Variants in PRKDC observed in about 807,000 individuals in gnomAD.
PRKDC encodes the protein DNA-dependent protein kinase catalytic subunit.
In PRKDC, 82 loss-of-function variants were observed where a neutral mutation model predicts 486.9. The ratio of observed to expected loss-of-function variants is 0.17; its 90% CI spans 0.14 to 0.20. The LOEUF (loss-of-function observed/expected upper bound fraction) is 0.20. Among genes scored for constraint, PRKDC ranks in the 10% least tolerant of loss-of-function variants. PRKDC has a pLI of 1.00. For missense variants in PRKDC, 4,504 were observed against 5,038.2 expected, an observed-to-expected ratio of 0.89 and a Z score of 3.21; for synonymous variants, 1,895 against 1,837.0, an observed-to-expected ratio of 1.03 and a Z score of -0.81.
At chr8:47,953,048 G>A (rs1022239938) in intron 7 of PRKDC, among the ~76,000 whole-genome samples, 1 of 152,168 alleles carries the variant, frequency 6.6e-6, no homozygotes, top group African/African-American at 2.4e-5. Context: ...GGCTGAGGCA[G>A]GAGAATCACT....
intron 85 of PRKDC, among the ~76,000 whole-genome samples, chr8:47,776,271 G>A (rs866597124): frequency 6.6e-6 from 1 of 152,094 alleles, no homozygotes; most frequent in South Asian, 2.1e-4. Flanking sequence ...AATGGTCTTG[G>A]CACCCTTGTC....
chr8:47,915,136 C>T (rs745846798), intron 23 of PRKDC, among the ~76,000 whole-genome samples, 192 bp downstream of exon 23: 17 of 152,142 alleles, frequency 1.1e-4, no homozygotes, highest in African/African-American at 2.7e-4. Flanking sequence ...ATATGTTCTA[C>T]CAGTATACTG....
Position 47,781,850 on chromosome 8 carries a change from C to T in PRKDC, c.11489+312G>A, listed in dbSNP as rs75427396. Among the ~76,000 whole-genome samples the T allele has an allele frequency of 4.3e-3, 654 of 152,268 alleles. 1 individual carries two copies. Among genetic ancestry groups the T allele is most frequent in the South Asian group, 8.5e-3 (41 of 4,822 alleles). On this transcript the variant is annotated intron_variant, in intron 80 of 85. Coordinates refer to ENST00000314191, the MANE Select transcript of PRKDC (RefSeq NM_006904.7). ...GGTGAGAAGTAAATTGGTTCATACA[C>T]GTTAAAAATTGAGAACAGTACCTAG... is the stretch of plus-strand genomic sequence containing the variant.
At chr8:47,839,958 C>T in intron 55 of PRKDC, 58 bp downstream of exon 55, 11 of 1,373,370 alleles carry the variant, frequency 8.0e-6, no homozygotes, top group South Asian at 3.0e-5. Context: ...GCCTCGTCGA[C>T]AGAGCAAGAC....
At chr8:47,815,373 T>TG (rs1360215417) in intron 68 of PRKDC, among the ~76,000 whole-genome samples, 1 of 152,202 alleles carries the variant, frequency 6.6e-6, no homozygotes, top group Non-Finnish European at 1.5e-5. Context: ...GATATCTATA[T>TG]GGAAAAAGTA....
intron 26 of PRKDC, among the ~76,000 whole-genome samples, chr8:47,903,291 C>T (rs766421232): frequency 2.0e-5 from 3 of 152,060 alleles, no homozygotes; most frequent in African/African-American, 4.8e-5. Context: ...AAGGCCCTGC[C>T]GAAAACAGCT....
Position 47,857,767 on chromosome 8 carries a change from G to C in PRKDC, c.6466-468C>G, listed in dbSNP as rs4072029. The stretch of plus-strand genomic sequence containing the variant: ...GAAAGAAGGTGCTGCTGCAGCCCTA[G>C]AGCAGCCTGTCAGGGATGTCCTGAC... On this transcript the variant is annotated intron_variant, in intron 48 of 85. Coordinates refer to ENST00000314191, the MANE Select transcript of PRKDC (RefSeq NM_006904.7). 2.9e-3 allele frequency among the ~76,000 whole-genome samples: 439 copies of C among 152,258 alleles called. 3 individuals are homozygous for C. Among genetic ancestry groups the C allele is most frequent in the African/African-American group, 0.01 (430 of 41,560 alleles).
chr8:47,865,364 AGAGT>A (rs1163084916), intron 40 of PRKDC, among the ~76,000 whole-genome samples: 1 of 151,810 alleles, frequency 6.6e-6, no homozygotes, highest in African/African-American at 2.4e-5. Flanking sequence ...GCCTGGCAAC[AGAGT>A]GAGACTCCGT....
rs1456130209 is a variant in PRKDC at position 47,854,332 on chromosome 8, G to A, written c.6762-118C>T. ...GAGTCTGACTCTCGCCCAGGCTGGA[G>A]TGCAGTGGCGTGACTGAGACGGAGT... On this transcript the variant is annotated intron_variant, in intron 50 of 85. Coordinates refer to ENST00000314191, the MANE Select transcript of PRKDC (RefSeq NM_006904.7). 8 of 1,148,228 alleles carry A rather than the reference G, an allele frequency of 7.0e-6. No individual in the cohort carries two copies. The South Asian group carries it at 7.4e-5, about 11-fold the overall frequency. The allele number at this position is 1,148,228 out of a possible 1,614,324, so 71.1% of individuals were successfully genotyped here.
Position 47,892,052 on chromosome 8 carries a change from T to G in PRKDC, c.3847+1087A>C, listed in dbSNP as rs567439621. On this transcript the variant is annotated intron_variant, in intron 31 of 85. Transcript: ENST00000314191. ...GCCTGACTAATTTTTGTATTTTTGGTAGATACGGGATTTCGCCATGTTGGC... is the reference window on the plus strand; with the variant it reads ...GCCTGACTAATTTTTGTATTTTTGGGAGATACGGGATTTCGCCATGTTGGC... Among the ~76,000 whole-genome samples, 12 of 152,130 alleles carry G rather than the reference T, an allele frequency of 7.9e-5. 1 individual carries two copies. In the South Asian group the frequency reaches 8.3e-4, roughly 11 times the overall value.
intron 80 of PRKDC, among the ~76,000 whole-genome samples, chr8:47,779,578 C>T (rs1589689761): frequency 6.6e-6 from 1 of 152,152 alleles, no homozygotes; most frequent in African/African-American, 2.4e-5. Context: ...TTATTTAGAC[C>T]ACTTCCACAT....
chr8:47,959,896 A>G (rs1047176053), intron 1 of PRKDC, 77 bp downstream of exon 1: 30 of 1,503,484 alleles, frequency 2.0e-5, no homozygotes, highest in Middle Eastern at 1.9e-4. Context: ...AAACACAGAG[A>G]AGCGCCGGGC....
At chr8:47,857,354 A>C in intron 48 of PRKDC, 55 bp from the exon 49 acceptor site, 1 of 1,540,884 alleles carries the variant, frequency 6.5e-7, no homozygotes. Flanking sequence ...TTGCCAAAAT[A>C]TTAATACAAG....
At chr8:47,883,453 T>G (rs2089264909) in intron 36 of PRKDC, among the ~76,000 whole-genome samples, 1 of 152,180 alleles carries the variant, frequency 6.6e-6, no homozygotes, top group South Asian at 2.1e-4. Flanking sequence ...ACCTGGAAAC[T>G]CAAAGCCTTT....
At chr8:47,835,562 A>G (rs2087996768) in intron 58 of PRKDC, among the ~76,000 whole-genome samples, 1 of 134,554 alleles carries the variant, frequency 7.4e-6, no homozygotes, top group African/African-American at 2.7e-5. Context: ...GGTTGCAGTG[A>G]GCCAAGATCG....
intron 85 of PRKDC, among the ~76,000 whole-genome samples, chr8:47,775,626 T>C (rs904998474): frequency 3.9e-5 from 6 of 152,008 alleles, no homozygotes; most frequent in African/African-American, 1.5e-4. Context: ...CCATATCAGA[T>C]ACATGACTTG....
chr8:47,958,736 CTTTTT>C (rs35991452), intron 1 of PRKDC, among the ~76,000 whole-genome samples: 3 of 138,562 alleles, frequency 2.2e-5, no homozygotes, highest in Admixed American at 7.3e-5. Context: ...TATATAGCAT[CTTTTT>C]TTTTTTTTTT....
Position 47,955,126 on chromosome 8 carries a change from C to T in PRKDC, c.400-680G>A, listed in dbSNP as rs1259604582. Among the ~76,000 whole-genome samples the T allele has an allele frequency of 4.0e-5, 6 of 151,208 alleles. No individual in the cohort carries two copies. In the Admixed American group the frequency reaches 4.0e-4, roughly 10 times the overall value. On this transcript the variant is annotated intron_variant, in intron 4 of 85. Transcript: ENST00000314191. ...CCGAGATTGCGCCACTGCACTCCAGCCTGAATGACAGAACAAGACTCTGTC... is the reference window on the plus strand; with the variant it reads ...CCGAGATTGCGCCACTGCACTCCAGTCTGAATGACAGAACAAGACTCTGTC...
chr8:47,915,212 T>C, intron 23 of PRKDC, 116 bp downstream of exon 23: 1 of 587,470 alleles, frequency 1.7e-6, no homozygotes, highest in South Asian at 2.6e-5. Flanking sequence ...TAATCTTATT[T>C]AGAAATATAT....
Sources: allele counts gnomAD v4.1 joint callset (sites outside exome capture counted in the v4.1 genomes callset), GRCh38; gene constraint gnomAD v4.1.1; transcripts MANE v1.5; gene names NCBI Gene and HGNC (gene_info 2026-07-23, HGNC 2026-07-21).